The following MED12 variants were observed in gnomAD, a reference collection of about 807,000 sequenced individuals.
MED12 encodes the protein mediator complex subunit 12, also known as mediator of RNA polymerase II transcription subunit 12.
Under a neutral mutation model 177.7 loss-of-function variants are expected in MED12, and 10 were observed. That is an observed-to-expected ratio of 0.06 (90% CI 0.03 to 0.10). The LOEUF is 0.10. Among genes scored for constraint, MED12 ranks in the 10% least tolerant of loss-of-function variants. The probability of loss-of-function intolerance (pLI) is 1.00; values close to 1 mark genes in which losing one functional copy is unlikely to be tolerated. For synonymous variants in MED12, 641 were observed against 678.4 expected, an observed-to-expected ratio of 0.94 and a Z score of 0.86; for missense variants, 867 against 1,780.8, an observed-to-expected ratio of 0.49 and a Z score of 9.23.
Position 71,118,714 on chromosome X carries a change from C to G in MED12, c.-41C>G, listed in dbSNP as rs1287728366. 1 of 1,159,596 alleles carries G rather than the reference C, an allele frequency of 8.6e-7. No individual in the cohort carries two copies. The highest frequency in any genetic ancestry group is 1.2e-6 in the Non-Finnish European group (1 of 858,416). ...TCCCCCTTCCCGTTCCCCCAGTCAG[C>G]CTGGCCCTGCTGGTGCCTCCGGCGC... On this transcript the variant is annotated 5_prime_UTR_variant, in exon 1 of 45. Transcript: ENST00000374080.
rs2147774511 is a variant in MED12 at position 71,120,106 on chromosome X, C to A, written c.489C>A (p.Thr163=). Residue 163 remains threonine (T), a synonymous_variant, in exon 4 of 45, where the codon ACC becomes ACA. Transcript: ENST00000374080. ...VMRAAWLIKM[T]CAYYAAISET... is the part of the protein sequence containing the mutation. ...GGGCTGCCTGGCTCATTAAGATGAC[C>A]TGTGCCTACTATGCAGCAATCTCTG... The A allele has an allele frequency of 8.3e-7, 1 of 1,211,485 alleles. No homozygotes were observed. Among genetic ancestry groups the A allele is most frequent in the Non-Finnish European group, 1.1e-6 (1 of 895,309 alleles).
rs2147801944 is a variant in MED12, at chrX:71,128,318, T to A, written c.3232T>A (p.Cys1078Ser). 8.3e-7 allele frequency: 1 copy of A among 1,212,014 alleles called. No homozygotes were observed. The highest frequency in any genetic ancestry group is 1.1e-6 in the Non-Finnish European group (1 of 895,557). Residue 1078 changes from cysteine to serine, a missense_variant, in exon 23 of 45, where the codon TGT becomes AGT. Around this residue, in one of 14 missense-constraint regions of MED12, gnomAD observed 70 missense variants for 143.6 expected, o/e 0.49. Coordinates refer to ENST00000374080, the MANE Select transcript of MED12 (RefSeq NM_005120.3). ...PDRVNDIAIL[C>S]AELTGYCKSL... ...TAGGGTGAATGACATCGCAATCCTG[T>A]GTGCAGAGCTGACCGGCTATTGCAA... is the stretch of plus-strand genomic sequence containing the variant.
chrX:71,137,672 CA>C, intron 40 of MED12, 37 bp downstream of exon 40: 1 of 1,201,946 alleles, frequency 8.3e-7, no homozygotes, highest in Non-Finnish European at 1.1e-6. Flanking sequence ...GGGGATGAGG[CA>C]AGCTGCTCTG....
Position 71,123,704 on chromosome X carries a change from A to G in MED12, c.1728A>G (p.Thr576=). 8.3e-7 allele frequency: 1 copy of G among 1,200,452 alleles called. No homozygotes were observed. Residue 576 remains threonine, a synonymous_variant, in exon 12 of 45, where the codon ACA becomes ACG. Transcript: ENST00000374080. ...FQDVLLQFLD[T]QAPMLTDPRS... ...ATGTCCTCCTGCAGTTTCTGGATAC[A>G]CAGGCTCCCATGCTGAGTACGGACC...
At chrX:71,123,386 C>T (rs185807033) in intron 11 of MED12, among the ~76,000 whole-genome samples, 160 bp downstream of exon 11, 20 of 110,625 alleles carry the variant, frequency 1.8e-4, no homozygotes, top group Admixed American at 4.8e-4. Flanking sequence ...GGACGTGAGG[C>T]GAAAGTAGAG....
intron 27 of MED12, 63 bp downstream of exon 27, chrX:71,129,918 C>T (rs2147807956): frequency 8.4e-7 from 1 of 1,184,486 alleles, no homozygotes; most frequent in East Asian, 3.0e-5. Flanking sequence ...CTGTTTCCAG[C>T]CCATGATCAC....
At chrX:71,135,008 G>A (rs773084459) in intron 35 of MED12, 84 bp from the exon 36 acceptor site, 46 of 1,170,225 alleles carry the variant, frequency 3.9e-5, no homozygotes, top group Middle Eastern at 3.0e-4. Flanking sequence ...TCTTCTCTGT[G>A]CCAGGTTCTG....
rs774613786 is a variant in MED12 at position 71,136,570 on chromosome X, C to T, written c.5315C>T (p.Pro1772Leu). 4.2e-6 allele frequency: 5 copies of T among 1,200,087 alleles called. No homozygotes were observed. The highest frequency in any genetic ancestry group is 1.8e-5 in the South Asian group (1 of 55,506). ...CCAGAGCCCCCCAAAACTGACAAAC[C>T]GGGGGCTGCTCCACCCAGTACTGAG... is the stretch of plus-strand genomic sequence containing the variant. ...KAPEPPKTDKPGAAPPSTEER... is the reference protein window; with the variant it reads ...KAPEPPKTDKLGAAPPSTEER... Residue 1772 changes from proline (P) to leucine (L), a missense_variant, in exon 37 of 45, where the codon CCG becomes CTG. Physicochemically the swap from Pro to Leu is moderately conservative, Grantham distance 98. This residue lies in a region of MED12 where 236 missense variants were observed against 345.2 expected (regional missense o/e 0.68). Transcript: ENST00000374080.
intron 4 of MED12, among the ~76,000 whole-genome samples, chrX:71,120,703 C>T (rs1299690281): frequency 2.7e-5 from 3 of 110,204 alleles, no homozygotes; most frequent in African/African-American, 9.9e-5. Context: ...CTCCACCTCC[C>T]GGGTTAAAGT....
intron 14 of MED12, 46 bp downstream of exon 14, chrX:71,124,890 C>T (rs1457575797): frequency 8.5e-7 from 1 of 1,183,123 alleles, no homozygotes; most frequent in East Asian, 3.0e-5. Context: ...CTTGGATCTT[C>T]CCATTATGCC....
At position 71,128,669 on chromosome X, in the gene MED12, C is replaced by T. The variant is rs779981418; in HGVS notation, c.3426C>T (p.Leu1142=). The T allele has an allele frequency of 4.1e-6, 5 of 1,210,505 alleles. No individual in the cohort carries two copies. In the East Asian group the frequency reaches 1.5e-4, roughly 36 times the overall value. Residue 1142 remains leucine, a synonymous_variant, in exon 24 of 45, where the codon CTC becomes CTT. Coordinates refer to ENST00000374080, the MANE Select transcript of MED12 (RefSeq NM_005120.3). ...TCCTCATCGCTCGGCAGTGTTTGCT[C>T]CTGGAAGATCTGATTCGCTGTGCTG... The part of the protein sequence containing the change: ...VAILIARQCL[L]LEDLIRCAAI...
chrX:71,128,028 A>G lies in MED12; in HGVS notation c.3117A>G (p.Leu1039=), dbSNP rs1040531574. Residue 1039 remains leucine, a synonymous_variant, in exon 22 of 45, where the codon CTA becomes CTG. Transcript: ENST00000374080. ...CTCACACCTTCACCTACACGGGGCT[A>G]GGCAAGAGTCTTAGTGAGAACCCTG... ...PAAHTFTYTG[L]GKSLSENPAN... is the part of the protein sequence containing the mutation. The G allele has an allele frequency of 8.3e-7, 1 of 1,211,459 alleles. No homozygotes were observed. Among genetic ancestry groups the G allele is most frequent in the Non-Finnish European group, 1.1e-6 (1 of 895,281 alleles).
intron 24 of MED12, 72 bp from the exon 25 acceptor site, chrX:71,129,042 A>G (rs2092310218): frequency 2.5e-6 from 2 of 805,722 alleles, no homozygotes; most frequent in Non-Finnish European, 3.8e-6. Flanking sequence ...GCATGCATGC[A>G]GGCACGCACA....
chrX:71,118,915 A>G, intron 1 of MED12, 62 bp downstream of exon 1: 1 of 1,022,168 alleles, frequency 9.8e-7, no homozygotes, highest in South Asian at 2.0e-5. Flanking sequence ...AGGAGGAGGC[A>G]CTGACGGCTG....
In MED12 at chrX:71,123,124, A is replaced by C; in HGVS notation, c.1515A>C (p.Ser505=). The change falls in exon 11 of 45, where the codon TCA becomes TCC. Residue 505 remains serine, a synonymous_variant. Coordinates refer to ENST00000374080, the MANE Select transcript of MED12 (RefSeq NM_005120.3). ...EISSDDDAVV[S]LLCEWAVSCK... is the part of the protein sequence containing the mutation. ...CCTCAGATGATGATGCTGTGGTGTCATTGCTATGTGAATGGGCTGTCAGCT... is the reference window on the plus strand; with the variant it reads ...CCTCAGATGATGATGCTGTGGTGTCCTTGCTATGTGAATGGGCTGTCAGCT... The C allele has an allele frequency of 8.3e-7, 1 of 1,211,203 alleles. No homozygotes were observed. Among genetic ancestry groups the C allele is most frequent in the Non-Finnish European group, 1.1e-6 (1 of 895,207 alleles).
chrX:71,133,850 C>T (rs2092324833), intron 33 of MED12, among the ~76,000 whole-genome samples: 1 of 111,039 alleles, frequency 9.0e-6, no homozygotes, highest in Admixed American at 9.6e-5. Flanking sequence ...TGTCCAATTC[C>T]CATCACTTTC....
chrX:71,141,414 G>T (rs1009702320), intron 43 of MED12, 44 bp downstream of exon 43: 1 of 1,164,503 alleles, frequency 8.6e-7, no homozygotes. Context: ...CAGCTGCCCA[G>T]GTTGGGCACG....
At position 71,137,839 on chromosome X, in the gene MED12, C is replaced by G. The variant is rs1403172061; in HGVS notation, c.5940C>G (p.Thr1980=). 8.3e-7 allele frequency: 1 copy of G among 1,211,640 alleles called. No individual in the cohort carries two copies. ...CTTACCAGAGCACCCACCCTTCTAC[C>G]AATCCTACTCTTGTAGATCCTACCC... ...SQPYQSTHPS[T]NPTLVDPTRH... is the part of the protein sequence containing the mutation. The change falls in exon 41 of 45, where the codon ACC becomes ACG. Residue 1980 remains threonine (T), a synonymous_variant. Coordinates refer to ENST00000374080, the MANE Select transcript of MED12 (RefSeq NM_005120.3).
chrX:71,136,993 A>G lies in MED12; in HGVS notation c.5515A>G (p.Ile1839Val). Residue 1839 changes from isoleucine (I) to valine (V), a missense_variant, in exon 38 of 45, where the codon ATA becomes GTA. Coordinates refer to ENST00000374080, the MANE Select transcript of MED12 (RefSeq NM_005120.3). ...ITHLNYRQGSIGLYTQNQPLP... is the reference protein window; with the variant it reads ...ITHLNYRQGSVGLYTQNQPLP... ...ACACCTTAACTACAGGCAAGGCTCCATAGGCCTGTACACCCAGAACCAGCC... is the reference window on the plus strand; with the variant it reads ...ACACCTTAACTACAGGCAAGGCTCCGTAGGCCTGTACACCCAGAACCAGCC... 8.3e-7 allele frequency: 1 copy of G among 1,201,234 alleles called. No individual in the cohort carries two copies. Among genetic ancestry groups the G allele is most frequent in the African/African-American group, 1.7e-5 (1 of 57,371 alleles).
Sources: gnomAD v4.1 joint callset for allele counts (sites outside exome capture counted in the v4.1 genomes callset) on GRCh38, gnomAD v4.1.1 for gene constraint, gnomAD v4.1.1 regional missense constraint, MANE v1.5 for transcripts, NCBI Gene and HGNC (gene_info 2026-07-23, HGNC 2026-07-21) for gene names.